The following BRF1 variants were observed in gnomAD, a reference collection of about 807,000 sequenced individuals.
The protein encoded by BRF1 is transcription factor IIIB 90 kDa subunit.
BRF1 carries 59 observed loss-of-function variants against 81.7 expected under a neutral mutation model. The ratio of observed to expected loss-of-function variants is 0.72; its 90% CI spans 0.59 to 0.90. The LOEUF is 0.90. Ranked by LOEUF, BRF1 falls within the 40% of genes least tolerant of loss-of-function variation. The pLI, the probability that BRF1 is intolerant of heterozygous loss-of-function variation, is 0.00. For missense variants in BRF1, 1,050 were observed against 936.3 expected (o/e 1.12, Z -1.58); for synonymous variants, 491 against 395.6 (o/e 1.24, Z -2.86).
In BRF1 at chr14:105,228,925, C is replaced by G. The variant is rs118003663; in HGVS notation, c.695-12G>C. ...TGCAACCAGGAGCGCTGGAAGGCAACGAGACGGGCCTCGTCAACCACGGCT... is the reference window on the plus strand; with the variant it reads ...TGCAACCAGGAGCGCTGGAAGGCAAGGAGACGGGCCTCGTCAACCACGGCT... On this transcript the variant is annotated splice_polypyrimidine_tract_variant and intron_variant, in intron 6 of 17. Coordinates refer to ENST00000547530, the MANE Select transcript of BRF1 (RefSeq NM_001519.4). The G allele has an allele frequency of 2.5e-6, 4 of 1,612,706 alleles. No individual in the cohort carries two copies. Among genetic ancestry groups the G allele is most frequent in the Admixed American group, 1.7e-5 (1 of 59,992 alleles).
In BRF1 at chr14:105,269,098, G is replaced by A. The variant is rs918088347; in HGVS notation, c.439+3623C>T. Among the ~76,000 whole-genome samples, 2 of 152,150 alleles carry A rather than the reference G, an allele frequency of 1.3e-5. No homozygotes were observed. The highest frequency in any genetic ancestry group is 2.9e-5 in the Non-Finnish European group (2 of 68,002). ...GAAAACAAGGAGGGCGGTGAGAGAC[G>A]GAGACGTGTCCAGGATGGGTCTGGG... On this transcript the variant is annotated intron_variant, in intron 3 of 17. Coordinates refer to ENST00000547530, the MANE Select transcript of BRF1 (RefSeq NM_001519.4). This position sits in a 1 kb window ranked among gnomAD's most constrained non-coding sequence, Gnocchi z 5.0.
intron 11 of BRF1, among the ~76,000 whole-genome samples, chr14:105,220,992 A>C (rs587607986): frequency 7.4e-4 from 113 of 152,278 alleles, no homozygotes; most frequent in Middle Eastern, 3.4e-3. Flanking sequence ...CCCAACCATC[A>C]GGATTGTCTC....
At chr14:105,292,768 C>G (rs1194861466) in intron 1 of BRF1, among the ~76,000 whole-genome samples, 1 of 151,892 alleles carries the variant, frequency 6.6e-6, no homozygotes, top group African/African-American at 2.4e-5. Context: ...CACCCCTTCC[C>G]AGGCGCAGAC....
At position 105,272,892 on chromosome 14, in the gene BRF1, TC is replaced by T; in HGVS notation, c.267del (p.Arg90GlyfsTer13). 6.2e-7 allele frequency: 1 copy of T among 1,604,804 alleles called. No individual in the cohort carries two copies. Among genetic ancestry groups the T allele is most frequent in the Non-Finnish European group, 8.5e-7 (1 of 1,173,028 alleles). On this transcript the variant is annotated frameshift_variant and splice_region_variant, in exon 3 of 18. Coordinates refer to ENST00000547530, the MANE Select transcript of BRF1 (RefSeq NM_001519.4). LOFTEE classifies it high-confidence loss of function. Reference protein sequence around the residue: ...KESRAQTLQNGRRHIHHLGNQ... With the variant: ...KESRAQTLQNXRRHIHHLGNQ... ...TTCCCCAGGTGGTGGATGTGGCGCC[TC>T]CCTAGGACACAGCACGAGGCAGCTC...
At chr14:105,294,133 C>T (rs767896994) in intron 1 of BRF1, among the ~76,000 whole-genome samples, 5 of 152,148 alleles carry the variant, frequency 3.3e-5, no homozygotes, top group Non-Finnish European at 7.4e-5. Flanking sequence ...GAGGGGCTGC[C>T]CAGAGCAACA....
chr14:105,304,757 G>A (rs915812524), upstream of BRF1, among the ~76,000 whole-genome samples: 3 of 152,264 alleles, frequency 2.0e-5, no homozygotes, highest in Non-Finnish European at 4.4e-5. Context: ...GGAAGGCAAG[G>A]AGGAGCAAGT....
chr14:105,246,535 TCTC>T (rs1167634920), intron 5 of BRF1, among the ~76,000 whole-genome samples: 2 of 152,058 alleles, frequency 1.3e-5, no homozygotes, highest in Admixed American at 1.3e-4. Flanking sequence ...AGTAGCATGA[TCTC>T]AGCTCACTGC....
chr14:105,215,592 G>A (rs1402788370), intron 15 of BRF1, among the ~76,000 whole-genome samples: 35 of 115,342 alleles, frequency 3.0e-4, no homozygotes, highest in African/African-American at 6.8e-4. Context: ...AGACACAGGC[G>A]CACACACACT....
chr14:105,313,444 G>GAGGA (rs2058407624), intron 1 of BRF1, among the ~76,000 whole-genome samples: 2 of 152,242 alleles, frequency 1.3e-5, no homozygotes, highest in African/African-American at 4.8e-5. Context: ...TACCACCTTA[G>GAGGA]AGGAGCCAGG....
intron 12 of BRF1, chr14:105,219,555 G>C (rs1264593065): frequency 2.0e-6 from 1 of 501,612 alleles, no homozygotes; most frequent in African/African-American, 1.9e-5. Flanking sequence ...GTGAGGGTGA[G>C]AGCCTCCCAC....
chr14:105,221,042 C>T (rs1892200552), intron 11 of BRF1, among the ~76,000 whole-genome samples: 2 of 152,260 alleles, frequency 1.3e-5, no homozygotes, highest in African/African-American at 4.8e-5. Context: ...ATTCGCCTGG[C>T]TCCTCACACA....
At position 105,210,865 on chromosome 14, in the gene BRF1, A is replaced by G. The variant is rs1417478064; in HGVS notation, c.1996+257T>C. 6.6e-6 allele frequency among the ~76,000 whole-genome samples: 1 copy of G among 152,106 alleles called. No individual in the cohort carries two copies. On this transcript the variant is annotated intron_variant, in intron 17 of 17. Coordinates refer to ENST00000547530, the MANE Select transcript of BRF1 (RefSeq NM_001519.4). The surrounding 1 kb of genome is among the most constrained non-coding windows in gnomAD (Gnocchi z 4.7). The stretch of plus-strand genomic sequence containing the variant: ...GGTGTGCAGGTCCGTGGTGGTGTGC[A>G]GATCCGGGAACCTCGTGCTGCTGGC...
chr14:105,294,158 T>TC (rs2057635898), intron 1 of BRF1, among the ~76,000 whole-genome samples: 1 of 152,054 alleles, frequency 6.6e-6, no homozygotes. Context: ...CCCTCTCTCC[T>TC]CCCCACTCTC....
chr14:105,216,758 G>T (rs1467350911), intron 15 of BRF1, among the ~76,000 whole-genome samples: 1 of 152,250 alleles, frequency 6.6e-6, no homozygotes, highest in Non-Finnish European at 1.5e-5. Flanking sequence ...AGCAGCTGGA[G>T]ACAACGCAAG....
Position 105,220,108 on chromosome 14 carries a change from C to T in BRF1, c.1338G>A (p.Glu446=), listed in dbSNP as rs1892037950. Reference sequence around the variant, plus strand: ...GGTCATCAATGCCACTGAGGTCCAGCTCACCGTCTCCTGAAGCATCTTCTG... The same window carrying T: ...GGTCATCAATGCCACTGAGGTCCAGTTCACCGTCTCCTGAAGCATCTTCTG... ...SDPKDASGDG[E]LDLSGIDDLE... The change falls in exon 12 of 18, where the codon GAG becomes GAA. Residue 446 remains glutamate (E), a synonymous_variant. Transcript: ENST00000547530. 2.5e-6 allele frequency: 4 copies of T among 1,613,526 alleles called. No homozygotes were observed. In the East Asian group the frequency reaches 6.7e-5, roughly 27 times the overall value.
chr14:105,256,397 C>G (rs2055869488), intron 4 of BRF1, 121 bp downstream of exon 4: 2 of 1,608,542 alleles, frequency 1.2e-6, no homozygotes, highest in African/African-American at 2.7e-5. Flanking sequence ...ACTGGGCAGG[C>G]AGCACAGACC....
chr14:105,228,750 G>A (rs370002067), intron 7 of BRF1, 70 bp downstream of exon 7: 3 of 1,552,202 alleles, frequency 1.9e-6, no homozygotes, highest in Non-Finnish European at 2.7e-6. Context: ...CGCCTGCTCT[G>A]GCAAGCAGGC....
intron 3 of BRF1, among the ~76,000 whole-genome samples, 156 bp from the exon 4 acceptor site, chr14:105,256,705 G>T (rs1192813650): frequency 6.6e-6 from 1 of 152,212 alleles, no homozygotes; most frequent in Non-Finnish European, 1.5e-5. Flanking sequence ...AGGTGGTATG[G>T]AAGCGAGGCG....
At chr14:105,249,298 C>T in intron 5 of BRF1, 2 of 1,579,002 alleles carry the variant, frequency 1.3e-6, no homozygotes, top group Non-Finnish European at 1.7e-6. Flanking sequence ...GCCCCGTCCG[C>T]CGTGTGGCTG....
Sources: allele counts gnomAD v4.1 joint callset (sites outside exome capture counted in the v4.1 genomes callset), GRCh38; gene constraint gnomAD v4.1.1; non-coding constraint Gnocchi (gnomAD v3.1); transcripts MANE v1.5; gene names NCBI Gene and HGNC (gene_info 2026-07-23, HGNC 2026-07-21).